Variants in PARL observed in about 807,000 individuals in gnomAD.
PARL encodes presenilin-associated rhomboid-like protein, mitochondrial.
PARL carries 44 observed loss-of-function variants against 51.6 expected under a neutral mutation model. The observed-to-expected ratio is 0.85, with a 90% CI of 0.67 to 1.10. The LOEUF (loss-of-function observed/expected upper bound fraction) is 1.10, where lower values mean the gene tolerates loss of function less well. PARL is among the 50% of genes least tolerant of loss of function. The probability of loss-of-function intolerance (pLI) is 0.00; values close to 1 mark genes in which losing one functional copy is unlikely to be tolerated. For synonymous variants in PARL, 172 were observed against 164.0 expected (o/e 1.05, Z -0.37); for missense variants, 441 against 469.5 (o/e 0.94, Z 0.56).
At position 183,876,180 on chromosome 3, in the gene PARL, G is replaced by A. The variant is rs369599112; in HGVS notation, c.126-8120C>T. ...TCCTGCCTCAACCCTCCGAGCAGCT[G>A]GGATCACAGGCGCCTGCCATCATGT... is the stretch of plus-strand genomic sequence containing the variant. On this transcript the variant is annotated intron_variant, in intron 1 of 9. Transcript: ENST00000317096. Among the ~76,000 whole-genome samples the A allele has an allele frequency of 4.6e-5, 7 of 152,242 alleles. No individual in the cohort carries two copies. In the East Asian group the frequency reaches 9.7e-4, roughly 21 times the overall value.
chr3:183,865,407 CA>C (rs2108675189), intron 3 of PARL, among the ~76,000 whole-genome samples: 1 of 152,324 alleles, frequency 6.6e-6, no homozygotes, highest in African/African-American at 2.4e-5. Flanking sequence ...GGGTCCCCAA[CA>C]ACCCGGCTGC....
At chr3:183,871,732 AG>A (rs1733240363) in intron 1 of PARL, among the ~76,000 whole-genome samples, 1 of 152,168 alleles carries the variant, frequency 6.6e-6, no homozygotes, top group African/African-American at 2.4e-5. Flanking sequence ...GGGGCTTGAC[AG>A]GAAAGGAGCA....
At chr3:183,883,791 C>A in intron 1 of PARL, 1 of 609,194 alleles carries the variant, frequency 1.6e-6, no homozygotes, top group Non-Finnish European at 2.1e-6. Flanking sequence ...CCACCCACCC[C>A]TCTCCTGATT....
At chr3:183,857,757 C>T (rs1361761008) in intron 4 of PARL, among the ~76,000 whole-genome samples, 2 of 152,288 alleles carry the variant, frequency 1.3e-5, no homozygotes, top group East Asian at 3.9e-4. Context: ...TCAAAAAGGG[C>T]TCCCTTTCCT....
At chr3:183,839,238 C>CA (rs1729009755) in intron 7 of PARL, among the ~76,000 whole-genome samples, 1 of 152,062 alleles carries the variant, frequency 6.6e-6, no homozygotes, top group African/African-American at 2.4e-5. Flanking sequence ...GAATTCTTTT[C>CA]AAAATTGACC....
chr3:183,867,431 T>C (rs1162295249), intron 2 of PARL, among the ~76,000 whole-genome samples: 2 of 152,012 alleles, frequency 1.3e-5, no homozygotes, highest in Admixed American at 1.3e-4. Context: ...CCGGGCGCAG[T>C]GGCTCACTCC....
At chr3:183,834,522 C>G (rs1728323703) in intron 7 of PARL, among the ~76,000 whole-genome samples, 2 of 152,060 alleles carry the variant, frequency 1.3e-5, no homozygotes, top group Admixed American at 1.3e-4. Context: ...CTGTATGGTT[C>G]CATTTGCAAA....
chr3:183,840,580 G>T lies in PARL; in HGVS notation c.818C>A (p.Ser273Ter). ...GKVATGRYGP[S>*]LGASGAIMTV... is the part of the protein sequence containing the mutation. ...AATAGAAATACTTACTGCACCAAGT[G>T]ATGGTCCATATCTTCCTGTGGCAAC... is the stretch of plus-strand genomic sequence containing the variant. The change falls in exon 7 of 10, where the codon TCA becomes TAA. Residue 273 changes from serine to a stop codon, truncating the protein, a stop_gained. Coordinates refer to ENST00000317096, the MANE Select transcript of PARL (RefSeq NM_018622.7). LOFTEE classifies it high-confidence loss of function. The T allele has an allele frequency of 6.7e-7, 1 of 1,491,036 alleles. No homozygotes were observed. The highest frequency in any genetic ancestry group is 9.3e-7 in the Non-Finnish European group (1 of 1,079,166). The allele number at this position is 1,491,036 out of a possible 1,614,324, so 92.4% of individuals were successfully genotyped here.
At chr3:183,858,404 GT>G (rs1731405548) in intron 4 of PARL, among the ~76,000 whole-genome samples, 1 of 152,188 alleles carries the variant, frequency 6.6e-6, no homozygotes, top group South Asian at 2.1e-4. Context: ...GGGGCAAGGG[GT>G]CAAAGACTGG....
chr3:183,829,919 G>T (rs558239917), intron 9 of PARL, among the ~76,000 whole-genome samples: 1 of 152,158 alleles, frequency 6.6e-6, no homozygotes, highest in Non-Finnish European at 1.5e-5. Flanking sequence ...TGAATGCTCC[G>T]CAGTGTGTGA....
chr3:183,878,991 C>T (rs1415396201), intron 1 of PARL, among the ~76,000 whole-genome samples: 1 of 152,228 alleles, frequency 6.6e-6, no homozygotes, highest in Non-Finnish European at 1.5e-5. Context: ...TCATGAACCA[C>T]TTGGAATAGC....
intron 1 of PARL, 59 bp from the exon 2 acceptor site, chr3:183,868,119 A>G (rs1732755481): frequency 1.6e-6 from 2 of 1,265,424 alleles, no homozygotes; most frequent in South Asian, 1.2e-5. Context: ...ATCAACTTCT[A>G]TGAACCTCCA....
rs1553906088 is a variant in PARL at position 183,882,247 on chromosome 3, A to ATATT, written c.125+2474_125+2475insAATA. ...AATATATATATATATATATATATTT[A>ATATT]TATATATATATATATATATATTTAT... On this transcript the variant is annotated intron_variant, in intron 1 of 9. Coordinates refer to ENST00000317096, the MANE Select transcript of PARL (RefSeq NM_018622.7). 7.6e-3 allele frequency among the ~76,000 whole-genome samples: 176 copies of ATATT among 23,310 alleles called. 6 individuals carry two copies. Among genetic ancestry groups the ATATT allele is most frequent in the African/African-American group, 1.0e-2 (100 of 10,026 alleles). 15.3% of individuals were successfully genotyped at this position (23,310 alleles called of 152,430 possible). A position where few individuals can be genotyped will look rare whatever the true frequency, so the allele number is the denominator to read the frequency against.
chr3:183,881,573 C>CAATTGATTA (rs1560440753), intron 1 of PARL, among the ~76,000 whole-genome samples: 2 of 152,234 alleles, frequency 1.3e-5, no homozygotes, highest in South Asian at 4.1e-4. Flanking sequence ...TAAGCACACA[C>CAATTGATTA]AATTGATTAG....
chr3:183,871,159 T>A (rs1733147388), intron 1 of PARL, among the ~76,000 whole-genome samples: 1 of 152,090 alleles, frequency 6.6e-6, no homozygotes, highest in Non-Finnish European at 1.5e-5. Context: ...TAACTCAAAG[T>A]AAGATGGTAC....
At chr3:183,842,642 TATTAAAA>T (rs1406366866) in intron 5 of PARL, among the ~76,000 whole-genome samples, 195 bp from the exon 6 acceptor site, 2 of 151,656 alleles carry the variant, frequency 1.3e-5, no homozygotes, top group African/African-American at 4.8e-5. Context: ...ACCCCATCTC[TATTAAAA>T]ATATAAAAAT....
intron 6 of PARL, 68 bp downstream of exon 6, chr3:183,842,225 ATTCCC>A (rs1475875061): frequency 7.2e-7 from 1 of 1,395,164 alleles, no homozygotes; most frequent in Non-Finnish European, 1.0e-6. Flanking sequence ...GGCAGTAATC[ATTCCC>A]TTTGTCCGTT....
chr3:183,874,109 T>C (rs1045586089), intron 1 of PARL, among the ~76,000 whole-genome samples: 1 of 152,198 alleles, frequency 6.6e-6, no homozygotes, highest in Non-Finnish European at 1.5e-5. Context: ...ATTTCCGTAA[T>C]TCTCACAACA....
intron 1 of PARL, chr3:183,879,879 A>ATTTTTTTTTTTTT (rs532111761): frequency 6.1e-5 from 8 of 131,314 alleles, no homozygotes; most frequent in African/African-American, 1.7e-4. Context: ...ACCAGGACTG[A>ATTTTTTTTTTTTT]TTTTTTTTTT....
Sources: gnomAD v4.1 joint callset for allele counts (sites outside exome capture counted in the v4.1 genomes callset) on GRCh38, gnomAD v4.1.1 for gene constraint, MANE v1.5 for transcripts, NCBI Gene and HGNC (gene_info 2026-07-23, HGNC 2026-07-21) for gene names.